The following KCNIP1 variants were observed in gnomAD, a reference collection of about 807,000 sequenced individuals.
The protein encoded by KCNIP1 is potassium voltage-gated channel interacting protein 1, also known as A-type potassium channel modulatory protein KCNIP1.
Under a neutral mutation model 33.0 loss-of-function variants are expected in KCNIP1, and 18 were observed. That is an observed-to-expected ratio of 0.55 (90% confidence interval 0.38 to 0.81). The LOEUF (loss-of-function observed/expected upper bound fraction) is 0.81. Among genes scored for constraint, KCNIP1 ranks in the 30% least tolerant of loss-of-function variants. The pLI is 0.00. For synonymous variants in KCNIP1, 93 were observed against 98.3 expected (o/e 0.95, Z 0.32); for missense variants, 238 against 271.6 (o/e 0.88, Z 0.87).
At chr5:170,541,907 C>T (rs77611925) in intron 1 of KCNIP1, among the ~76,000 whole-genome samples, 2,459 of 152,230 alleles carry the variant, frequency 0.016, 78 homozygotes, top group African/African-American at 0.056. Flanking sequence ...GAAAACATGC[C>T]AGATAATGCC....
intron 1 of KCNIP1, among the ~76,000 whole-genome samples, chr5:170,541,489 T>A (rs1200068346): frequency 1.3e-5 from 2 of 152,200 alleles, no homozygotes; most frequent in Non-Finnish European, 2.9e-5. Flanking sequence ...TGAATGATGC[T>A]CCCAGCCTTG....
chr5:170,659,560 T>C (rs1477561224), intron 1 of KCNIP1, among the ~76,000 whole-genome samples: 2 of 152,220 alleles, frequency 1.3e-5, no homozygotes, highest in Non-Finnish European at 2.9e-5. Context: ...CTTCTTCCTT[T>C]CTCCCTTTCT....
intron 1 of KCNIP1, among the ~76,000 whole-genome samples, chr5:170,630,301 C>A (rs532236227): frequency 6.6e-6 from 1 of 152,334 alleles, no homozygotes; most frequent in South Asian, 2.1e-4. Flanking sequence ...GCCAAGTGGG[C>A]AGCACCGATG....
chr5:170,511,073 G>A (rs531162752), intron 1 of KCNIP1, among the ~76,000 whole-genome samples: 1 of 152,194 alleles, frequency 6.6e-6, no homozygotes, highest in Non-Finnish European at 1.5e-5. Context: ...GCCGGGCATG[G>A]TGGCATGCTC....
At chr5:170,409,038 G>C (rs777494849) in intron 1 of KCNIP1, among the ~76,000 whole-genome samples, 2 of 152,166 alleles carry the variant, frequency 1.3e-5, no homozygotes, top group Non-Finnish European at 2.9e-5. Context: ...AGGCGGGAGG[G>C]GCAGTACGGG....
chr5:170,672,595 T>C (rs1022433812), intron 1 of KCNIP1, among the ~76,000 whole-genome samples: 1 of 152,268 alleles, frequency 6.6e-6, no homozygotes, highest in African/African-American at 2.4e-5. Flanking sequence ...GCAAATGCAA[T>C]AAATAATAAT....
At chr5:170,525,207 T>C (rs2113322943) in intron 1 of KCNIP1, among the ~76,000 whole-genome samples, 1 of 152,362 alleles carries the variant, frequency 6.6e-6, no homozygotes, top group Middle Eastern at 3.4e-3. Flanking sequence ...ACCTTGTCTC[T>C]GCAGGCCTCT....
At chr5:170,592,903 C>T (rs79752710) in intron 1 of KCNIP1, among the ~76,000 whole-genome samples, 5,868 of 152,088 alleles carry the variant, frequency 0.039, 152 homozygotes, top group Non-Finnish European at 0.052. Flanking sequence ...ACAAGAAGCC[C>T]GAAACATAAT....
chr5:170,448,074 G>A (rs986574483), intron 1 of KCNIP1, among the ~76,000 whole-genome samples: 3 of 152,048 alleles, frequency 2.0e-5, no homozygotes, highest in Non-Finnish European at 2.9e-5. Context: ...GGATTTTACT[G>A]TTTATTTCTG....
At chr5:170,487,521 CTTT>C (rs35638864) in intron 1 of KCNIP1, among the ~76,000 whole-genome samples, 5 of 138,508 alleles carry the variant, frequency 3.6e-5, no homozygotes, top group Non-Finnish European at 4.7e-5. Flanking sequence ...AGTCACGGAA[CTTT>C]TTTTTTTTTT....
chr5:170,577,070 A>G (rs776430363), intron 1 of KCNIP1, among the ~76,000 whole-genome samples: 7 of 152,132 alleles, frequency 4.6e-5, no homozygotes, highest in Non-Finnish European at 8.8e-5. Context: ...TGTCTTTCCC[A>G]AGAGGGTGAC....
intron 1 of KCNIP1, among the ~76,000 whole-genome samples, chr5:170,505,193 C>A (rs1289449753): frequency 2.6e-5 from 4 of 152,152 alleles, no homozygotes; most frequent in Non-Finnish European, 5.9e-5. Flanking sequence ...TCAGGAGGAG[C>A]AACCGTGAAG....
intron 1 of KCNIP1, among the ~76,000 whole-genome samples, chr5:170,447,173 G>C (rs1162118942): frequency 6.6e-6 from 1 of 152,234 alleles, no homozygotes; most frequent in East Asian, 1.9e-4. Context: ...TACATCTGCT[G>C]TATGCCAGCT....
intron 5 of KCNIP1, among the ~76,000 whole-genome samples, chr5:170,725,574 TAGAA>T (rs1206005112): frequency 6.6e-6 from 1 of 151,960 alleles, no homozygotes; most frequent in Non-Finnish European, 1.5e-5. Flanking sequence ...ACAAAAAAAA[TAGAA>T]TGAATGAATA....
chr5:170,676,872 T>C (rs181338889), intron 1 of KCNIP1, among the ~76,000 whole-genome samples: 2 of 152,202 alleles, frequency 1.3e-5, no homozygotes, highest in Non-Finnish European at 2.9e-5. Flanking sequence ...AGGCCAATAC[T>C]CAAGTGAAGT....
At chr5:170,443,268 G>A (rs1322779859) in intron 1 of KCNIP1, among the ~76,000 whole-genome samples, 3 of 148,232 alleles carry the variant, frequency 2.0e-5, no homozygotes, top group Non-Finnish European at 4.4e-5. Context: ...TATTTACTGA[G>A]AGAGGCAACC....
chr5:170,601,264 G>A (rs1758678855), intron 1 of KCNIP1, among the ~76,000 whole-genome samples: 1 of 152,212 alleles, frequency 6.6e-6, no homozygotes, highest in African/African-American at 2.4e-5. Context: ...GCGGTGTAGA[G>A]GAGAATATGG....
intron 1 of KCNIP1, among the ~76,000 whole-genome samples, chr5:170,387,975 T>C (rs1434704696): frequency 2.0e-5 from 3 of 152,210 alleles, no homozygotes; most frequent in Non-Finnish European, 4.4e-5. Flanking sequence ...GGGAACTGGA[T>C]CGCACCTGTG....
At chr5:170,385,226 G>C in intron 1 of KCNIP1, 2 of 1,415,256 alleles carry the variant, frequency 1.4e-6, no homozygotes, top group South Asian at 1.2e-5. Flanking sequence ...GGGTCAAGGA[G>C]AGGGGTGAGT....
Sources: gnomAD v4.1 joint callset for allele counts (sites outside exome capture counted in the v4.1 genomes callset) on GRCh38, gnomAD v4.1.1 for gene constraint, MANE v1.5 for transcripts, NCBI Gene and HGNC (gene_info 2026-07-23, HGNC 2026-07-21) for gene names.